Variants in DLG4 observed in about 807,000 individuals in gnomAD.
The protein encoded by DLG4 is discs large MAGUK scaffold protein 4.
A neutral mutation model predicts 93.8 loss-of-function variants in DLG4; 7 were observed. The ratio of observed to expected loss-of-function variants is 0.07; its 90% CI spans 0.04 to 0.14. DLG4 has a LOEUF of 0.14. DLG4 is among the 10% of genes least tolerant of loss of function. The pLI is 1.00. For synonymous variants in DLG4, 341 were observed against 387.6 expected (o/e 0.88, Z 1.41); for missense variants, 545 against 992.9 (o/e 0.55, Z 6.06).
At chr17:7,209,683 T>C (rs1017803515) in intron 1 of DLG4, among the ~76,000 whole-genome samples, 1 of 151,910 alleles carries the variant, frequency 6.6e-6, no homozygotes, top group Non-Finnish European at 1.5e-5. Flanking sequence ...GGTGGGAGGA[T>C]TGCTTGAGCC....
chr17:7,207,146 A>C (rs222855), intron 2 of DLG4, among the ~76,000 whole-genome samples: 35,460 of 151,620 alleles, frequency 0.23, 4,508 homozygotes, highest in Middle Eastern at 0.43. Context: ...GGCAGAGGTG[A>C]GAACCCAAGA....
At position 7,187,259 on chromosome 17, in the gene DLG4, GC is replaced by G. The variant is rs2069317118; in HGVS notation, c.*3448del. On this transcript the variant is annotated 3_prime_UTR_variant, in exon 20 of 20. Transcript: ENST00000399506. ...ATAATTTACAAAATAATGCATGCAG[GC>G]CAGGCGCGGTGGCTCATGCCTGTAA... is the stretch of plus-strand genomic sequence containing the variant. Among the ~76,000 whole-genome samples, 1 of 126,364 alleles carries G rather than the reference GC, an allele frequency of 7.9e-6. No homozygotes were observed. Among genetic ancestry groups the G allele is most frequent in the Non-Finnish European group, 1.9e-5 (1 of 51,998 alleles). The allele number at this position is 126,364 out of a possible 152,430, so 82.9% of individuals were successfully genotyped here. A position where few individuals can be genotyped will look rare whatever the true frequency, so the allele number is the denominator to read the frequency against.
rs75701258 is a variant in DLG4, at chr17:7,208,249, G to C, written c.31-10C>G. On this transcript the variant is annotated splice_polypyrimidine_tract_variant and intron_variant, in intron 1 of 19. Coordinates refer to ENST00000399506, the MANE Select transcript of DLG4 (RefSeq NM_001321075.3). The surrounding 1 kb of genome is among the most constrained non-coding windows in gnomAD (Gnocchi z 5.4). ...CTTGGTAGCGGTATTTCTGGGGATG[G>C]GGACGGAGGTGTCACTGGGGCCAGC... is the stretch of plus-strand genomic sequence containing the variant. 0.016 allele frequency: 20,467 copies of C among 1,311,862 alleles called. 2,395 individuals are homozygous for C. In the African/African-American group the frequency reaches 0.26, roughly 17 times the overall value. The allele number at this position is 1,311,862 out of a possible 1,614,324, so 81.3% of individuals were successfully genotyped here. A position where few individuals can be genotyped will look rare whatever the true frequency, so the allele number is the denominator to read the frequency against.
At chr17:7,199,127 C>T (rs1047976244) in intron 8 of DLG4, among the ~76,000 whole-genome samples, 2 of 152,238 alleles carry the variant, frequency 1.3e-5, no homozygotes, top group African/African-American at 4.8e-5. Context: ...ATGCCTCTCT[C>T]TGCATGCCTC....
At chr17:7,218,474 C>G, upstream of DLG4, 1 of 1,495,640 alleles carries the variant, frequency 6.7e-7, no homozygotes, top group Non-Finnish European at 9.1e-7. Context: ...TCTGGGCTCC[C>G]AAACAGCCCC....
chr17:7,193,725 G>T lies in DLG4; in HGVS notation c.1544-11C>A. The T allele has an allele frequency of 6.3e-7, 1 of 1,593,844 alleles. No individual in the cohort carries two copies. The highest frequency in any genetic ancestry group is 8.6e-7 in the Non-Finnish European group (1 of 1,169,004). ...CCGAGTCTTCTCGACCTGGTGGGAGGTGGGGCATCTGCAAGGGGCTCTGAA... is the reference window on the plus strand; with the variant it reads ...CCGAGTCTTCTCGACCTGGTGGGAGTTGGGGCATCTGCAAGGGGCTCTGAA... On this transcript the variant is annotated splice_polypyrimidine_tract_variant and intron_variant, in intron 14 of 19. Transcript: ENST00000399506. The surrounding 1 kb of genome is among the most constrained non-coding windows in gnomAD (Gnocchi z 6.7).
intron 2 of DLG4, among the ~76,000 whole-genome samples, chr17:7,205,803 CAGCCCGTCCTCCATCCCAT>C (rs1303146144): frequency 9.4e-5 from 13 of 138,472 alleles, no homozygotes; most frequent in Admixed American, 4.4e-4. Flanking sequence ...CCCCATCCCG[CAGCCCGTCCTCCATCCCAT>C]AGCCCGTCCT....
chr17:7,199,106 AG>A (rs2069974154), intron 8 of DLG4, among the ~76,000 whole-genome samples: 1 of 152,210 alleles, frequency 6.6e-6, no homozygotes, highest in Non-Finnish European at 1.5e-5. Context: ...CATGAAAGGG[AG>A]GATAAATGCA....
In DLG4 at chr17:7,187,805, A is replaced by G. The variant is rs1270214473; in HGVS notation, c.*2903T>C. Among the ~76,000 whole-genome samples, 1 of 152,122 alleles carries G rather than the reference A, an allele frequency of 6.6e-6. No homozygotes were observed. The highest frequency in any genetic ancestry group is 2.4e-5 in the African/African-American group (1 of 41,436). ...ACATCAGGGCCAGGTGCAGTGGCTC[A>G]CGCCTGTAATCCCAGCACTTTGGGA... On this transcript the variant is annotated 3_prime_UTR_variant, in exon 20 of 20. Transcript: ENST00000399506.
upstream of DLG4, chr17:7,220,002 G>A (rs1427232700): frequency 6.2e-7 from 1 of 1,604,204 alleles, no homozygotes; most frequent in Non-Finnish European, 8.5e-7. Flanking sequence ...CGGCTCGGAT[G>A]GCCGCGAGCT....
At chr17:7,211,136 G>A (rs1488134098) in intron 1 of DLG4, among the ~76,000 whole-genome samples, 1 of 141,796 alleles carries the variant, frequency 7.1e-6, no homozygotes, top group African/African-American at 2.6e-5. Context: ...GGTGGGGGTG[G>A]GGGCGGGGGA....
Position 7,217,175 on chromosome 17 carries a change from T to C in DLG4, c.-28A>G. The stretch of plus-strand genomic sequence containing the variant: ...TGGGGGGCCTGGCCGCGGCGGCGGG[T>C]AAGGGGCTCTGACTTCATCGGAGTT... On this transcript the variant is annotated 5_prime_UTR_variant, in exon 1 of 20. Transcript: ENST00000399506. 1 of 1,277,350 alleles carries C rather than the reference T, an allele frequency of 7.8e-7. No homozygotes were observed. The highest frequency in any genetic ancestry group is 3.2e-5 in the South Asian group (1 of 31,502). 79.1% of individuals were successfully genotyped at this position (1,277,350 alleles called of 1,614,324 possible). A position where few individuals can be genotyped will look rare whatever the true frequency, so the allele number is the denominator to read the frequency against.
chr17:7,202,108 C>T (rs745877896), intron 8 of DLG4, among the ~76,000 whole-genome samples: 2 of 152,192 alleles, frequency 1.3e-5, no homozygotes, highest in Non-Finnish European at 2.9e-5. Flanking sequence ...TCTCCTCTCG[C>T]TCTGTCACCC....
intron 17 of DLG4, 41 bp downstream of exon 17, chr17:7,192,904 G>A: frequency 6.4e-7 from 1 of 1,554,564 alleles, no homozygotes; most frequent in Non-Finnish European, 8.7e-7. Flanking sequence ...GGGGTGGGGA[G>A]AGGGGAGAAG....
At chr17:7,199,747 G>A (rs997646340) in intron 8 of DLG4, among the ~76,000 whole-genome samples, 3 of 151,708 alleles carry the variant, frequency 2.0e-5, no homozygotes, top group Admixed American at 6.6e-5. Flanking sequence ...GGGAGGCCGA[G>A]GTGGGGGGAT....
Position 7,204,052 on chromosome 17 carries a change from C to A in DLG4, c.166G>T (p.Gly56Trp). 6.2e-7 allele frequency: 1 copy of A among 1,609,446 alleles called. No individual in the cohort carries two copies. The highest frequency in any genetic ancestry group is 2.2e-5 in the East Asian group (1 of 44,728). Residue 56 changes from glycine (G) to tryptophan (W), a missense_variant, in exon 4 of 20, where the codon GGG becomes TGG. Physicochemically the swap from Gly to Trp is radical, Grantham distance 184. Transcript: ENST00000399506. ...EAPGYELQVN[G>W]TEGEMEYEEI... ...TCGTATTCCATCTCCCCCTCGGTCC[C>A]GTTCACCTGCAACTCCAGCACGGGA... is the stretch of plus-strand genomic sequence containing the variant.
upstream of DLG4, chr17:7,217,733 A>G (rs2070998151): frequency 2.0e-6 from 3 of 1,534,408 alleles, no homozygotes; most frequent in Admixed American, 2.0e-5. Flanking sequence ...GATAATGGGA[A>G]AGGAGATAGA....
At position 7,194,756 on chromosome 17, in the gene DLG4, G is replaced by A. The variant is rs746844944; in HGVS notation, c.1302-261C>T. 3.9e-5 allele frequency among the ~76,000 whole-genome samples: 6 copies of A among 152,232 alleles called. No homozygotes were observed. The highest frequency in any genetic ancestry group is 1.2e-4 in the African/African-American group (5 of 41,460). On this transcript the variant is annotated intron_variant, in intron 11 of 19. Transcript: ENST00000399506. This position sits in a 1 kb window ranked among gnomAD's most constrained non-coding sequence, Gnocchi z 4.4. ...CTCAAGAAAGCAGTTTGGGCCAGGC[G>A]TGGTGGCTCCCACCTGGAATCCCAG...
rs753669668 is a variant in DLG4 at position 7,217,179 on chromosome 17, G to A, written c.-32C>T. On this transcript the variant is annotated 5_prime_UTR_variant, in exon 1 of 20. Coordinates refer to ENST00000399506, the MANE Select transcript of DLG4 (RefSeq NM_001321075.3). ...GGGCCTGGCCGCGGCGGCGGGTAAGGGGCTCTGACTTCATCGGAGTTTCGT... is the reference window on the plus strand; with the variant it reads ...GGGCCTGGCCGCGGCGGCGGGTAAGAGGCTCTGACTTCATCGGAGTTTCGT... 1 of 1,280,854 alleles carries A rather than the reference G, an allele frequency of 7.8e-7. No homozygotes were observed. Among genetic ancestry groups the A allele is most frequent in the South Asian group, 3.1e-5 (1 of 31,856 alleles). 79.3% of individuals were successfully genotyped at this position (1,280,854 alleles called of 1,614,324 possible). A position where few individuals can be genotyped will look rare whatever the true frequency, so the allele number is the denominator to read the frequency against.
Sources: allele counts gnomAD v4.1 joint callset (sites outside exome capture counted in the v4.1 genomes callset), GRCh38; gene constraint gnomAD v4.1.1; non-coding constraint Gnocchi (gnomAD v3.1); transcripts MANE v1.5; gene names NCBI Gene and HGNC (gene_info 2026-07-23, HGNC 2026-07-21).